The following ADGRD1 variants were observed in gnomAD, a reference collection of about 807,000 sequenced individuals.
ADGRD1 encodes G-protein coupled receptor 133.
Under a neutral mutation model 113.4 loss-of-function variants are expected in ADGRD1, and 77 were observed. That is an observed-to-expected ratio of 0.68 (90% CI 0.57 to 0.82). The LOEUF (loss-of-function observed/expected upper bound fraction) is 0.82. Among genes scored for constraint, ADGRD1 ranks in the 40% least tolerant of loss-of-function variants. The pLI, the probability that ADGRD1 is intolerant of heterozygous loss-of-function variation, is 0.00. For synonymous variants in ADGRD1, 474 were observed against 475.0 expected, an observed-to-expected ratio of 1.00 and a Z score of 0.03; for missense variants, 1,036 against 1,139.1, an observed-to-expected ratio of 0.91 and a Z score of 1.30.
chr12:131,036,144 G>A (rs367569656), intron 13 of ADGRD1, among the ~76,000 whole-genome samples: 46 of 152,166 alleles, frequency 3.0e-4, no homozygotes, highest in East Asian at 1.3e-3. Context: ...GCCTTGCAGC[G>A]AGTCTTACTC....
At chr12:130,997,342 G>C (rs1875673931) in intron 8 of ADGRD1, among the ~76,000 whole-genome samples, 1 of 151,302 alleles carries the variant, frequency 6.6e-6, no homozygotes, top group South Asian at 2.1e-4. Flanking sequence ...TGGCTGCCGG[G>C]CGGAGACGCT....
intron 13 of ADGRD1, chr12:131,023,076 G>T (rs531727996): frequency 6.6e-6 from 1 of 152,208 alleles, no homozygotes; most frequent in South Asian, 2.1e-4. Flanking sequence ...TAAATGTGCT[G>T]CACACACAGG....
At chr12:131,089,432 G>C (rs1246279996) in intron 15 of ADGRD1, among the ~76,000 whole-genome samples, 1 of 152,252 alleles carries the variant, frequency 6.6e-6, no homozygotes, top group Non-Finnish European at 1.5e-5. Flanking sequence ...ATGCTGGCTG[G>C]TGATTGTGGC....
intron 18 of ADGRD1, among the ~76,000 whole-genome samples, chr12:131,116,037 C>T (rs1032233146): frequency 2.0e-5 from 3 of 152,222 alleles, no homozygotes; most frequent in African/African-American, 7.2e-5. Context: ...CTCCATCTTA[C>T]TGCCCCTCTC....
Position 130,954,732 on chromosome 12 carries a change from A to G in ADGRD1, c.103+72A>G. 4 of 1,437,342 alleles carry G rather than the reference A, an allele frequency of 2.8e-6. No homozygotes were observed. The highest frequency in any genetic ancestry group is 3.9e-6 in the Non-Finnish European group (4 of 1,020,756). 89.0% of individuals were successfully genotyped at this position (1,437,342 alleles called of 1,614,324 possible). A position where few individuals can be genotyped will look rare whatever the true frequency, so the allele number is the denominator to read the frequency against. Reference sequence around the variant, plus strand: ...AGTGCAGGTATCTCAGGAACAGCCCACTTGTTCATCTCTGAGGCATCAGCG... The same window carrying G: ...AGTGCAGGTATCTCAGGAACAGCCCGCTTGTTCATCTCTGAGGCATCAGCG... On this transcript the variant is annotated intron_variant, in intron 2 of 24. Coordinates refer to ENST00000261654, the MANE Select transcript of ADGRD1 (RefSeq NM_198827.5). The surrounding 1 kb of genome is among the most constrained non-coding windows in gnomAD (Gnocchi z 4.7).
At chr12:131,130,909 G>T (rs1163659254) in intron 20 of ADGRD1, among the ~76,000 whole-genome samples, 1 of 152,242 alleles carries the variant, frequency 6.6e-6, no homozygotes, top group Admixed American at 6.5e-5. Context: ...CCTGTTCATT[G>T]CCTGAAAGTT....
intron 5 of ADGRD1, among the ~76,000 whole-genome samples, chr12:130,982,693 GA>G (rs1162918604): frequency 6.6e-6 from 1 of 152,218 alleles, no homozygotes; most frequent in African/African-American, 2.4e-5. Context: ...TTGGAGGAGG[GA>G]GGGGCCCTGG....
chr12:131,116,624 C>T (rs1272049775), intron 18 of ADGRD1, among the ~76,000 whole-genome samples: 1 of 148,226 alleles, frequency 6.7e-6, no homozygotes, highest in Non-Finnish European at 1.5e-5. Flanking sequence ...GTGACTTCAG[C>T]TACGGAGGCA....
At chr12:130,957,816 G>A (rs566923561) in intron 2 of ADGRD1, 3 of 152,244 alleles carry the variant, frequency 2.0e-5, no homozygotes, top group African/African-American at 2.4e-5. Context: ...CAGTGAAGGC[G>A]GCCATGCCTC....
At chr12:131,013,541 A>G (rs998206484) in intron 12 of ADGRD1, among the ~76,000 whole-genome samples, 27 of 152,320 alleles carry the variant, frequency 1.8e-4, no homozygotes, top group African/African-American at 6.3e-4. Flanking sequence ...AATGGTCCCC[A>G]TGGCCTGAGG....
At chr12:130,969,013 G>C in intron 3 of ADGRD1, 1 of 1,535,324 alleles carries the variant, frequency 6.5e-7, no homozygotes, top group South Asian at 1.2e-5. Flanking sequence ...CTTCCTTCCC[G>C]TAATGCTACT....
intron 14 of ADGRD1, among the ~76,000 whole-genome samples, chr12:131,083,786 A>C (rs1886248244): frequency 6.6e-6 from 1 of 152,208 alleles, no homozygotes; most frequent in Non-Finnish European, 1.5e-5. Flanking sequence ...CACGTTATTC[A>C]CGTAAAAAGT....
intron 13 of ADGRD1, among the ~76,000 whole-genome samples, chr12:131,053,552 C>T (rs1471014703): frequency 6.6e-6 from 1 of 152,142 alleles, no homozygotes. Context: ...CCCACAGTAA[C>T]CCCATAAACA....
intron 14 of ADGRD1, among the ~76,000 whole-genome samples, chr12:131,082,811 C>T (rs186296458): frequency 7.2e-5 from 11 of 152,262 alleles, no homozygotes; most frequent in African/African-American, 2.6e-4. Flanking sequence ...GAGTGGCTCT[C>T]GCTTTGTCCT....
At chr12:131,118,988 C>G (rs1950528155) in intron 19 of ADGRD1, among the ~76,000 whole-genome samples, 1 of 152,148 alleles carries the variant, frequency 6.6e-6, no homozygotes, top group Non-Finnish European at 1.5e-5. Flanking sequence ...ACTTGAAATG[C>G]AGCTCATGGG....
chr12:131,100,629 G>A (rs576806929), intron 15 of ADGRD1, among the ~76,000 whole-genome samples: 7 of 152,276 alleles, frequency 4.6e-5, no homozygotes, highest in South Asian at 2.1e-4. Flanking sequence ...GTTGGTTGGC[G>A]ATAAGGTTGA....
chr12:130,997,906 T>G (rs1875812512), intron 8 of ADGRD1, among the ~76,000 whole-genome samples: 1 of 152,220 alleles, frequency 6.6e-6, no homozygotes, highest in South Asian at 2.1e-4. Flanking sequence ...CACTCCAGCC[T>G]GGGCACCATT....
At chr12:131,043,749 C>A (rs535840821) in intron 13 of ADGRD1, among the ~76,000 whole-genome samples, 1 of 152,156 alleles carries the variant, frequency 6.6e-6, no homozygotes, top group African/African-American at 2.4e-5. Context: ...CGGGCTCGTG[C>A]GGCTGGGGAG....
chr12:131,052,646 G>GA (rs1229289542), intron 13 of ADGRD1, among the ~76,000 whole-genome samples: 2 of 151,760 alleles, frequency 1.3e-5, no homozygotes, highest in Non-Finnish European at 2.9e-5. Flanking sequence ...GTCTTTGTGG[G>GA]GGAGGAATGA....
Sources: gnomAD v4.1 joint callset for allele counts (sites outside exome capture counted in the v4.1 genomes callset) on GRCh38, gnomAD v4.1.1 for gene constraint, Gnocchi (gnomAD v3.1) non-coding constraint, MANE v1.5 for transcripts, NCBI Gene and HGNC (gene_info 2026-07-23, HGNC 2026-07-21) for gene names.